KIF26B: variants seen among roughly 807,000 people sequenced by gnomAD.
The protein encoded by KIF26B is kinesin-like protein KIF26B.
Under a neutral mutation model 151.2 loss-of-function variants are expected in KIF26B, and 63 were observed. The observed-to-expected ratio is 0.42, with a 90% CI of 0.34 to 0.51. The LOEUF is 0.51. Ranked by LOEUF, KIF26B falls within the 20% of genes least tolerant of loss-of-function variation. The probability of loss-of-function intolerance (pLI) is 0.07; values close to 1 mark genes in which losing one functional copy is unlikely to be tolerated. For missense variants in KIF26B, 2,813 were observed against 2,913.6 expected, an observed-to-expected ratio of 0.97 and a Z score of 0.79; for synonymous variants, 1,357 against 1,262.1, an observed-to-expected ratio of 1.08 and a Z score of -1.59.
intron 4 of KIF26B, among the ~76,000 whole-genome samples, chr1:245,462,028 G>A (rs944216603): frequency 2.6e-5 from 4 of 152,142 alleles, no homozygotes; most frequent in African/African-American, 9.7e-5. Context: ...AGGTACTCAG[G>A]AGGCTGAGGC....
intron 3 of KIF26B, among the ~76,000 whole-genome samples, chr1:245,386,947 C>A (rs1399806399): frequency 6.6e-6 from 1 of 152,128 alleles, no homozygotes; most frequent in African/African-American, 2.4e-5. Context: ...GCAGGTCACA[C>A]TGGGGACATG....
intron 5 of KIF26B, among the ~76,000 whole-genome samples, chr1:245,556,417 G>T (rs1662041363): frequency 6.7e-6 from 1 of 148,174 alleles, no homozygotes; most frequent in African/African-American, 2.5e-5. Flanking sequence ...TCTTCTTTAA[G>T]AAAGGGTCTG....
intron 2 of KIF26B, among the ~76,000 whole-genome samples, chr1:245,335,638 A>AGTCCCACGAGGGGAAAGGGGG (rs1672205582): frequency 1.4e-5 from 2 of 139,092 alleles, no homozygotes; most frequent in African/African-American, 5.5e-5. Context: ...GGGAAAGGAG[A>AGTCCCACGAGGGGAAAGGGGG]GTCCCACGAG....
In KIF26B at chr1:245,631,883, T is replaced by C. The variant is rs987059481; in HGVS notation, c.2099-14238T>C. On this transcript the variant is annotated intron_variant, in intron 9 of 14. Transcript: ENST00000407071. ...TCGTGTGTAGTTCTTCATAAGACTC[T>C]AATCATTTGTATTTCTGTGGTATTT... Among the ~76,000 whole-genome samples, 3 of 152,278 alleles carry C rather than the reference T, an allele frequency of 2.0e-5. No individual in the cohort carries two copies. The South Asian group carries it at 6.2e-4, about 32-fold the overall frequency.
At chr1:245,308,699 C>T (rs1000368847) in intron 2 of KIF26B, among the ~76,000 whole-genome samples, 1 of 152,136 alleles carries the variant, frequency 6.6e-6, no homozygotes, top group African/African-American at 2.4e-5. Context: ...GATTGCACCA[C>T]TTCACCCTGG....
At chr1:245,553,415 G>A (rs1438558314) in intron 5 of KIF26B, among the ~76,000 whole-genome samples, 1 of 152,244 alleles carries the variant, frequency 6.6e-6, no homozygotes, top group Non-Finnish European at 1.5e-5. Context: ...CGGGGTGGCA[G>A]GCAGGGGGCT....
intron 5 of KIF26B, among the ~76,000 whole-genome samples, chr1:245,556,049 G>A (rs1371367467): frequency 6.6e-6 from 1 of 152,164 alleles, no homozygotes; most frequent in Non-Finnish European, 1.5e-5. Flanking sequence ...TGGAGATGCA[G>A]TCCCGAGATA....
chr1:245,155,679 G>C (rs1300822479), intron 1 of KIF26B, among the ~76,000 whole-genome samples, 192 bp downstream of exon 1: 1 of 152,242 alleles, frequency 6.6e-6, no homozygotes, highest in Non-Finnish European at 1.5e-5. Context: ...CTCGCTCTCG[G>C]AATTTTTTCA....
chr1:245,630,228 C>A lies in KIF26B; in HGVS notation c.2099-15893C>A, dbSNP rs576362208. ...ACCATTTGACCCAGCAATCCCATTACTGGGTATATACCCAAAGGAATATAA... is the reference window on the plus strand; with the variant it reads ...ACCATTTGACCCAGCAATCCCATTAATGGGTATATACCCAAAGGAATATAA... On this transcript the variant is annotated intron_variant, in intron 9 of 14. Coordinates refer to ENST00000407071, the MANE Select transcript of KIF26B (RefSeq NM_018012.4). Among the ~76,000 whole-genome samples, 11 of 152,282 alleles carry A rather than the reference C, an allele frequency of 7.2e-5. No individual in the cohort carries two copies. In the East Asian group the frequency reaches 2.1e-3, roughly 29 times the overall value.
At chr1:245,351,574 A>T (rs1672570232) in intron 2 of KIF26B, among the ~76,000 whole-genome samples, 1 of 152,230 alleles carries the variant, frequency 6.6e-6, no homozygotes, top group South Asian at 2.1e-4. Flanking sequence ...GATGTCTGTG[A>T]TTCCATTTAA....
intron 12 of KIF26B, among the ~76,000 whole-genome samples, chr1:245,690,739 C>CG (rs2044613087): frequency 1.1e-4 from 16 of 146,646 alleles, no homozygotes; most frequent in African/African-American, 4.1e-4. Flanking sequence ...CTTTATTTGC[C>CG]TGGGGGGGGG....
At chr1:245,496,335 T>C (rs185334093) in intron 4 of KIF26B, among the ~76,000 whole-genome samples, 5 of 152,230 alleles carry the variant, frequency 3.3e-5, no homozygotes, top group Admixed American at 2.6e-4. Context: ...ATAGGGCAAA[T>C]ATAAATGAAC....
At chr1:245,555,829 T>G (rs1662008913) in intron 5 of KIF26B, among the ~76,000 whole-genome samples, 1 of 152,156 alleles carries the variant, frequency 6.6e-6, no homozygotes, top group African/African-American at 2.4e-5. Context: ...ACTGGGTGCC[T>G]GTGAAATGAG....
At chr1:245,544,819 G>T (rs963259526) in intron 5 of KIF26B, among the ~76,000 whole-genome samples, 1 of 152,148 alleles carries the variant, frequency 6.6e-6, no homozygotes, top group Non-Finnish European at 1.5e-5. Flanking sequence ...GCCAAGAATA[G>T]ATACACAGAA....
intron 4 of KIF26B, among the ~76,000 whole-genome samples, chr1:245,506,675 G>A (rs1481287582): frequency 1.3e-5 from 2 of 152,126 alleles, no homozygotes; most frequent in South Asian, 2.1e-4. Context: ...CCCATTTGAA[G>A]TGAATTTTTG....
In KIF26B at chr1:245,558,935, C is replaced by T. The variant is rs113881245; in HGVS notation, c.1350+17985C>T. ...CAGGAGATGCTCTCAAATCCTTGAC[C>T]GGAGTGAAGGCAGAGTTCTTGTCAG... On this transcript the variant is annotated intron_variant, in intron 5 of 14. Coordinates refer to ENST00000407071, the MANE Select transcript of KIF26B (RefSeq NM_018012.4). Among the ~76,000 whole-genome samples, 641 of 152,230 alleles carry T rather than the reference C, an allele frequency of 4.2e-3. 7 individuals carry two copies. The highest frequency in any genetic ancestry group is 0.014 in the African/African-American group (576 of 41,534).
rs146769775 is a variant in KIF26B, at chr1:245,560,225, G to A, written c.1350+19275G>A. The stretch of plus-strand genomic sequence containing the variant: ...CATGTGGATACATAGATGCTCATTC[G>A]CTTCAATTCATTGAACATCTGCTAC... On this transcript the variant is annotated intron_variant, in intron 5 of 14. Coordinates refer to ENST00000407071, the MANE Select transcript of KIF26B (RefSeq NM_018012.4). This position sits in a 1 kb window ranked among gnomAD's most constrained non-coding sequence, Gnocchi z 4.3. Among the ~76,000 whole-genome samples the A allele has an allele frequency of 1.7e-4, 26 of 152,104 alleles. No individual in the cohort carries two copies. Among genetic ancestry groups the A allele is most frequent in the African/African-American group, 4.6e-4 (19 of 41,468 alleles).
intron 3 of KIF26B, among the ~76,000 whole-genome samples, chr1:245,415,788 CTTTT>C (rs781545952): frequency 2.9e-5 from 4 of 137,958 alleles, no homozygotes. Flanking sequence ...TCAGCATCTA[CTTTT>C]TTTTTTTTTT....
intron 9 of KIF26B, among the ~76,000 whole-genome samples, chr1:245,612,937 A>C (rs977867614): frequency 2.9e-4 from 44 of 152,208 alleles, no homozygotes; most frequent in African/African-American, 1.0e-3. Context: ...GCCTTCTGTG[A>C]AGTAGTGTTT....
Sources: allele counts gnomAD v4.1 joint callset (sites outside exome capture counted in the v4.1 genomes callset), GRCh38; gene constraint gnomAD v4.1.1; non-coding constraint Gnocchi (gnomAD v3.1); transcripts MANE v1.5; gene names NCBI Gene and HGNC (gene_info 2026-07-23, HGNC 2026-07-21).